The following SKI variants were observed in gnomAD, a reference collection of about 807,000 sequenced individuals.
SKI encodes the protein ski oncogene.
In SKI, 23 loss-of-function variants were observed where a neutral mutation model predicts 59.3. The observed-to-expected ratio is 0.39, with a 90% CI of 0.28 to 0.55. The LOEUF (loss-of-function observed/expected upper bound fraction) is 0.55, where lower values mean the gene tolerates loss of function less well. Among genes scored for constraint, SKI ranks in the 20% least tolerant of loss-of-function variants. The pLI is 0.67. For synonymous variants in SKI, 673 were observed against 488.6 expected (o/e 1.38, Z -4.98); for missense variants, 1,017 against 1,038.9 (o/e 0.98, Z 0.29).
intron 6 of SKI, 132 bp downstream of exon 6, chr1:2,306,382 C>A: frequency 9.7e-7 from 1 of 1,027,746 alleles, no homozygotes; most frequent in Non-Finnish European, 1.4e-6. Flanking sequence ...CCGTGCGTGC[C>A]CCCCCGACGG....
chr1:2,305,531 T>G (rs1640549535), intron 5 of SKI, among the ~76,000 whole-genome samples: 1 of 152,092 alleles, frequency 6.6e-6, no homozygotes, highest in African/African-American at 2.4e-5. Flanking sequence ...ATTCATGTGG[T>G]GTGTTTGCAG....
chr1:2,250,458 G>GAA (rs1639120440), intron 1 of SKI, among the ~76,000 whole-genome samples: 1 of 152,194 alleles, frequency 6.6e-6, no homozygotes, highest in Non-Finnish European at 1.5e-5. Flanking sequence ...CCTTGGTTTG[G>GAA]GTCTTTTTAT....
chr1:2,234,202 T>A (rs550467726), intron 1 of SKI, among the ~76,000 whole-genome samples: 2 of 152,256 alleles, frequency 1.3e-5, no homozygotes, highest in South Asian at 4.1e-4. Context: ...AGAGTGGTTC[T>A]TGACCTCTGC....
intron 1 of SKI, among the ~76,000 whole-genome samples, chr1:2,254,754 C>T (rs560688414): frequency 2.6e-5 from 4 of 151,746 alleles, no homozygotes; most frequent in South Asian, 2.1e-4. Flanking sequence ...GTGTGTGATG[C>T]GCAGGGCATT....
rs1569871427 is a variant in SKI at position 2,307,591 on chromosome 1, C to A, written c.*826C>A. 6.6e-6 allele frequency: 1 copy of A among 152,488 alleles called. No individual in the cohort carries two copies. Among genetic ancestry groups the A allele is most frequent in the Non-Finnish European group, 1.5e-5 (1 of 68,058 alleles). The allele number at this position is 152,488 out of a possible 1,614,324, so 9.4% of individuals were successfully genotyped here. Reference sequence around the variant, plus strand: ...CCCTCAGCCCCTCCGGGCACACGTGCCGCCTGACCGGGCGACCCTTTTCAG... The same window carrying A: ...CCCTCAGCCCCTCCGGGCACACGTGACGCCTGACCGGGCGACCCTTTTCAG... On this transcript the variant is annotated 3_prime_UTR_variant, in exon 7 of 7. Coordinates refer to ENST00000378536, the MANE Select transcript of SKI (RefSeq NM_003036.4).
intron 1 of SKI, among the ~76,000 whole-genome samples, chr1:2,243,315 T>A (rs1638920492): frequency 6.6e-6 from 1 of 152,246 alleles, no homozygotes; most frequent in South Asian, 2.1e-4. Context: ...GCGTACCACC[T>A]GCTTCATCCC....
At chr1:2,243,996 C>T (rs1420764633) in intron 1 of SKI, among the ~76,000 whole-genome samples, 8 of 151,964 alleles carry the variant, frequency 5.3e-5, no homozygotes, top group South Asian at 2.1e-4. Flanking sequence ...CACAGAGTCT[C>T]GCTCTGTCAC....
intron 1 of SKI, among the ~76,000 whole-genome samples, chr1:2,239,492 C>T (rs1248509857): frequency 6.6e-6 from 1 of 152,228 alleles, no homozygotes; most frequent in Non-Finnish European, 1.5e-5. Flanking sequence ...GGAGAACCTT[C>T]ATCCCATGTG....
At chr1:2,287,883 C>T (rs60794267) in intron 1 of SKI, among the ~76,000 whole-genome samples, 32 of 152,324 alleles carry the variant, frequency 2.1e-4, no homozygotes, top group Admixed American at 1.2e-3. Context: ...GGCCCCACCC[C>T]GAGCCCTGAG....
At chr1:2,297,170 G>T (rs1380729677) in intron 1 of SKI, among the ~76,000 whole-genome samples, 1 of 152,026 alleles carries the variant, frequency 6.6e-6, no homozygotes, top group African/African-American at 2.4e-5. Flanking sequence ...GTAGTGGTGG[G>T]ATCATACCTC....
At chr1:2,236,616 A>G (rs1235854124) in intron 1 of SKI, among the ~76,000 whole-genome samples, 1 of 152,210 alleles carries the variant, frequency 6.6e-6, no homozygotes, top group African/African-American at 2.4e-5. Flanking sequence ...CATGTTGGCC[A>G]GGATGGTCTC....
At chr1:2,233,013 A>G (rs1638675800) in intron 1 of SKI, among the ~76,000 whole-genome samples, 1 of 152,040 alleles carries the variant, frequency 6.6e-6, no homozygotes, top group African/African-American at 2.4e-5. Context: ...TTTTGTCAGT[A>G]TAGACAGCTG....
rs1638552983 is a variant in SKI, at chr1:2,228,529, C to T, written c.-238C>T. 7.0e-6 allele frequency among the ~76,000 whole-genome samples: 1 copy of T among 141,926 alleles called. No homozygotes were observed. Among genetic ancestry groups the T allele is most frequent in the Non-Finnish European group, 1.6e-5 (1 of 64,260 alleles). The allele number at this position is 141,926 out of a possible 152,430, so 93.1% of individuals were successfully genotyped here. A position where few individuals can be genotyped will look rare whatever the true frequency, so the allele number is the denominator to read the frequency against. On this transcript the variant is annotated 5_prime_UTR_variant, in exon 1 of 7. Transcript: ENST00000378536. ...GCGGCGGCGGGCGCGGCGCGGGGCG[C>T]GTGGATGTGGCGCCGGGCCCGGGCG... is the stretch of plus-strand genomic sequence containing the variant.
intron 5 of SKI, among the ~76,000 whole-genome samples, chr1:2,305,809 A>C (rs11580302): frequency 6.6e-6 from 1 of 152,092 alleles, no homozygotes; most frequent in Non-Finnish European, 1.5e-5. Context: ...CACAGCTGCC[A>C]CAGGCCTGGC....
In SKI at chr1:2,303,234, A is replaced by G. The variant is rs763247098; in HGVS notation, c.1096-51A>G. 5 of 1,604,616 alleles carry G rather than the reference A, an allele frequency of 3.1e-6. No individual in the cohort carries two copies. The highest frequency in any genetic ancestry group is 3.3e-5 in the Admixed American group (2 of 60,006). On this transcript the variant is annotated intron_variant, in intron 2 of 6. Transcript: ENST00000378536. The surrounding 1 kb of genome is among the most constrained non-coding windows in gnomAD (Gnocchi z 5.6). ...ACCCGGCGCAGCCTCAGGGACATGA[A>G]GTGGCTTGTTTTTCTCCTGGTCACT...
chr1:2,300,735 G>T (rs774717571), intron 1 of SKI, among the ~76,000 whole-genome samples: 3 of 152,198 alleles, frequency 2.0e-5, no homozygotes, highest in Non-Finnish European at 4.4e-5. Context: ...GTCGGCAGGG[G>T]TCTTAACGGA....
chr1:2,299,014 C>T (rs1166607209), intron 1 of SKI, among the ~76,000 whole-genome samples: 1 of 152,152 alleles, frequency 6.6e-6, no homozygotes, highest in Non-Finnish European at 1.5e-5. Flanking sequence ...GCCGGGTGGT[C>T]GTGGAGGTTC....
At chr1:2,302,115 A>C (rs549627278) in intron 1 of SKI, among the ~76,000 whole-genome samples, 1 of 152,202 alleles carries the variant, frequency 6.6e-6, no homozygotes, top group Admixed American at 6.5e-5. Context: ...CCAGCACACA[A>C]CCCACATCAC....
At chr1:2,293,164 T>TG (rs1477357929) in intron 1 of SKI, among the ~76,000 whole-genome samples, 2 of 151,982 alleles carry the variant, frequency 1.3e-5, no homozygotes, top group African/African-American at 4.8e-5. Flanking sequence ...CAGTGTGAGC[T>TG]GGGGGTTGGG....
Sources: gnomAD v4.1 joint callset for allele counts (sites outside exome capture counted in the v4.1 genomes callset) on GRCh38, gnomAD v4.1.1 for gene constraint, Gnocchi (gnomAD v3.1) non-coding constraint, MANE v1.5 for transcripts, NCBI Gene and HGNC (gene_info 2026-07-23, HGNC 2026-07-21) for gene names.